Variants in BRAF observed in about 807,000 individuals in gnomAD.
BRAF encodes B-Raf proto-oncogene, serine/threonine kinase, also known as serine/threonine-protein kinase B-raf.
In BRAF, 16 loss-of-function variants were observed where a neutral mutation model predicts 104.6. The observed-to-expected ratio is 0.15, with a 90% CI of 0.10 to 0.23. BRAF has a LOEUF of 0.23. BRAF is among the 10% of genes least tolerant of loss of function. The pLI, the probability that BRAF is intolerant of heterozygous loss-of-function variation, is 1.00. For missense variants in BRAF, 541 were observed against 937.3 expected (o/e 0.58, Z 5.52); for synonymous variants, 310 against 341.6 (o/e 0.91, Z 1.02).
Position 140,851,931 on chromosome 7 carries a change from T to C in BRAF, c.139-1719A>G, listed in dbSNP as rs560419570. ...TTTCCATATTCATTTATAGATAGTC[T>C]TTATTCTGGATATTAATCTTTATTC... On this transcript the variant is annotated intron_variant, in intron 1 of 19. Coordinates refer to ENST00000644969, the MANE Select transcript of BRAF (RefSeq NM_001374258.1). Among the ~76,000 whole-genome samples the C allele has an allele frequency of 3.9e-5, 6 of 152,360 alleles. No homozygotes were observed. In the South Asian group the frequency reaches 1.2e-3, roughly 32 times the overall value.
At chr7:140,787,803 T>C (rs551493320) in intron 8 of BRAF, among the ~76,000 whole-genome samples, 71 of 152,346 alleles carry the variant, frequency 4.7e-4, no homozygotes, top group African/African-American at 1.7e-3. Flanking sequence ...AAACAATTAT[T>C]AGTCCTAATC....
At chr7:140,891,840 T>C (rs533133742) in intron 1 of BRAF, among the ~76,000 whole-genome samples, 1 of 152,262 alleles carries the variant, frequency 6.6e-6, no homozygotes, top group South Asian at 2.1e-4. Flanking sequence ...GAAACAACCC[T>C]GAAAAAATGC....
chr7:140,809,625 T>G (rs1804018020), intron 3 of BRAF, among the ~76,000 whole-genome samples: 1 of 152,204 alleles, frequency 6.6e-6, no homozygotes, highest in African/African-American at 2.4e-5. Flanking sequence ...CAAGAGCAAC[T>G]GGTCCAGGGC....
chr7:140,805,735 T>C (rs907623857), intron 5 of BRAF, among the ~76,000 whole-genome samples: 1 of 152,204 alleles, frequency 6.6e-6, no homozygotes, highest in African/African-American at 2.4e-5. Flanking sequence ...CACTTCCCAG[T>C]TCCCAAGGAC....
At chr7:140,909,340 G>A (rs1329327653) in intron 1 of BRAF, among the ~76,000 whole-genome samples, 2 of 152,112 alleles carry the variant, frequency 1.3e-5, no homozygotes, top group Non-Finnish European at 2.9e-5. Context: ...CAGGAGAATC[G>A]CTTGAACCCG....
chr7:140,810,814 G>A (rs1804181894), intron 3 of BRAF, among the ~76,000 whole-genome samples: 2 of 152,198 alleles, frequency 1.3e-5, no homozygotes, highest in African/African-American at 4.8e-5. Context: ...CCTAATGCAT[G>A]CACCTCTCCA....
At chr7:140,758,828 A>G (rs1255301403) in intron 14 of BRAF, among the ~76,000 whole-genome samples, 2 of 152,236 alleles carry the variant, frequency 1.3e-5, no homozygotes, top group African/African-American at 4.8e-5. Context: ...GACAGTTTTA[A>G]AAGTTTCAAC....
chr7:140,759,307 TAAAA>T (rs1798469268), intron 14 of BRAF, among the ~76,000 whole-genome samples: 2 of 152,262 alleles, frequency 1.3e-5, no homozygotes, highest in African/African-American at 4.8e-5. Context: ...CTGTATCATT[TAAAA>T]TCTTTACCAG....
chr7:140,914,883 C>CA (rs1176060319), intron 1 of BRAF, among the ~76,000 whole-genome samples: 1 of 143,570 alleles, frequency 7.0e-6, no homozygotes, highest in Non-Finnish European at 1.5e-5. Flanking sequence ...ACCAAAAATA[C>CA]AAAAAAATTA....
At chr7:140,842,485 T>G (rs144944454) in intron 2 of BRAF, among the ~76,000 whole-genome samples, 39 of 152,310 alleles carry the variant, frequency 2.6e-4, no homozygotes, top group African/African-American at 9.1e-4. Context: ...TAGTTAGGAC[T>G]CAGCTGTAGG....
chr7:140,855,971 T>C (rs1809732533), intron 1 of BRAF, among the ~76,000 whole-genome samples: 1 of 151,834 alleles, frequency 6.6e-6, no homozygotes, highest in Non-Finnish European at 1.5e-5. Flanking sequence ...TGAGCTGAGA[T>C]CACGCCACTA....
At chr7:140,899,713 C>G (rs927300446) in intron 1 of BRAF, among the ~76,000 whole-genome samples, 7 of 151,976 alleles carry the variant, frequency 4.6e-5, no homozygotes, top group Admixed American at 6.6e-5. Flanking sequence ...TCTTAGAAAT[C>G]TATAGGAATT....
chr7:140,921,519 C>CA (rs988397242), intron 1 of BRAF, among the ~76,000 whole-genome samples: 1 of 151,756 alleles, frequency 6.6e-6, no homozygotes, highest in African/African-American at 2.4e-5. Flanking sequence ...CCTAACACCC[C>CA]AAAAAAATGA....
chr7:140,813,429 A>C (rs1466659244), intron 3 of BRAF, among the ~76,000 whole-genome samples: 1 of 152,226 alleles, frequency 6.6e-6, no homozygotes, highest in African/African-American at 2.4e-5. Flanking sequence ...TCTCATAATT[A>C]AGCAAGATCC....
chr7:140,877,187 T>G (rs1450002058), intron 1 of BRAF, among the ~76,000 whole-genome samples: 1 of 151,498 alleles, frequency 6.6e-6, no homozygotes. Context: ...TTCAACTGAA[T>G]GAAAATACAG....
intron 1 of BRAF, among the ~76,000 whole-genome samples, chr7:140,852,988 T>C (rs930165318): frequency 2.0e-5 from 3 of 152,200 alleles, no homozygotes; most frequent in Non-Finnish European, 2.9e-5. Flanking sequence ...TAGATATTAG[T>C]CACCTTCTCT....
At chr7:140,832,963 TC>T (rs1806938692) in intron 3 of BRAF, among the ~76,000 whole-genome samples, 1 of 149,562 alleles carries the variant, frequency 6.7e-6, no homozygotes, top group Non-Finnish European at 1.5e-5. Context: ...AAGCTCCGCC[TC>T]CCGGGTTCAC....
chr7:140,815,432 A>ATTTTTT (rs11445161), intron 3 of BRAF, among the ~76,000 whole-genome samples: 1 of 111,880 alleles, frequency 8.9e-6, no homozygotes, highest in African/African-American at 3.9e-5. Context: ...GGTGTGAGCC[A>ATTTTTT]TTTTTTTTTT....
rs556193013 is a variant in BRAF at position 140,756,600 on chromosome 7, G to A, written c.1815-2367C>T. On this transcript the variant is annotated intron_variant, in intron 14 of 19. Coordinates refer to ENST00000644969, the MANE Select transcript of BRAF (RefSeq NM_001374258.1). ...AAATAACTCACATAACTGTTTGGGA[G>A]TAGGGAAGGGAACAAGAATATATCA... 1.3e-4 allele frequency among the ~76,000 whole-genome samples: 19 copies of A among 151,908 alleles called. No homozygotes were observed. In the South Asian group the frequency reaches 1.7e-3, roughly 13 times the overall value.
Sources: allele counts gnomAD v4.1 joint callset (sites outside exome capture counted in the v4.1 genomes callset), GRCh38; gene constraint gnomAD v4.1.1; transcripts MANE v1.5; gene names NCBI Gene and HGNC (gene_info 2026-07-23, HGNC 2026-07-21).